Variants in CDH4 observed in about 807,000 individuals in gnomAD.
CDH4 encodes cadherin-4.
A neutral mutation model predicts 86.0 loss-of-function variants in CDH4; 33 were observed. The observed-to-expected ratio is 0.38, with a 90% confidence interval of 0.29 to 0.51. CDH4 has a LOEUF of 0.51. Among genes scored for constraint, CDH4 ranks in the 20% least tolerant of loss-of-function variants. The probability of loss-of-function intolerance (pLI) is 0.86; values close to 1 mark genes in which losing one functional copy is unlikely to be tolerated. For missense variants in CDH4, 1,114 were observed against 1,307.4 expected, an observed-to-expected ratio of 0.85 and a Z score of 2.28; for synonymous variants, 555 against 549.4, an observed-to-expected ratio of 1.01 and a Z score of -0.14.
chr20:61,511,199 C>CA (rs2085777386), intron 2 of CDH4, among the ~76,000 whole-genome samples: 1 of 152,212 alleles, frequency 6.6e-6, no homozygotes, highest in Non-Finnish European at 1.5e-5. Context: ...CCGTGTTATC[C>CA]ATGGAGTAGC....
intron 13 of CDH4, among the ~76,000 whole-genome samples, chr20:61,931,255 A>G (rs2055105406): frequency 6.6e-6 from 1 of 152,236 alleles, no homozygotes; most frequent in Admixed American, 6.5e-5. Context: ...CCCGGGCTCC[A>G]GGCTCCAGGT....
Position 61,392,773 on chromosome 20 carries a change from T to C in CDH4, c.169+137836T>C, listed in dbSNP as rs550948847. On this transcript the variant is annotated intron_variant, in intron 2 of 15. Transcript: ENST00000614565. The surrounding 1 kb of genome is among the most constrained non-coding windows in gnomAD (Gnocchi z 5.7). ...TTCATCAGAAACTCGGTATTGCACATTTATTTCCTAGCGGGGTAGAAACAC... is the reference window on the plus strand; with the variant it reads ...TTCATCAGAAACTCGGTATTGCACACTTATTTCCTAGCGGGGTAGAAACAC... Among the ~76,000 whole-genome samples the C allele has an allele frequency of 1.3e-5, 2 of 152,322 alleles. No homozygotes were observed. Among genetic ancestry groups the C allele is most frequent in the South Asian group, 4.2e-4 (2 of 4,816 alleles).
rs1600950075 is a variant in CDH4 at position 61,754,783 on chromosome 20, A to C, written c.396+10994A>C. ...ACAGTGCATGCCACACACACCACAC[A>C]CACACTGCACGCCACACACACCACA... On this transcript the variant is annotated intron_variant, in intron 3 of 15. Transcript: ENST00000614565. This position sits in a 1 kb window ranked among gnomAD's most constrained non-coding sequence, Gnocchi z 4.7. 8.1e-6 allele frequency among the ~76,000 whole-genome samples: 1 copy of C among 124,026 alleles called. No homozygotes were observed. The highest frequency in any genetic ancestry group is 1.7e-5 in the Non-Finnish European group (1 of 59,424). The allele number at this position is 124,026 out of a possible 152,430, so 81.4% of individuals were successfully genotyped here. A position where few individuals can be genotyped will look rare whatever the true frequency, so the allele number is the denominator to read the frequency against.
At chr20:61,321,432 A>G (rs1187296879) in intron 2 of CDH4, among the ~76,000 whole-genome samples, 1 of 148,144 alleles carries the variant, frequency 6.8e-6, no homozygotes, top group Non-Finnish European at 1.5e-5. Flanking sequence ...CTTAAAAAAT[A>G]TAGCCTTGGA....
intron 2 of CDH4, among the ~76,000 whole-genome samples, chr20:61,371,659 G>A (rs2084841211): frequency 6.6e-6 from 1 of 152,202 alleles, no homozygotes; most frequent in Non-Finnish European, 1.5e-5. Flanking sequence ...AGGCCTGTGT[G>A]TGTTACCAGC....
chr20:61,561,823 A>G (rs1408713302), intron 2 of CDH4, among the ~76,000 whole-genome samples: 1 of 152,226 alleles, frequency 6.6e-6, no homozygotes, highest in African/African-American at 2.4e-5. Flanking sequence ...GAGAAAAACA[A>G]CCCACAAAGG....
At chr20:61,508,444 A>C (rs1395912199) in intron 2 of CDH4, among the ~76,000 whole-genome samples, 1 of 152,092 alleles carries the variant, frequency 6.6e-6, no homozygotes, top group African/African-American at 2.4e-5. Context: ...GTCGGCCCTG[A>C]GCTCACTAAT....
rs561520382 is a variant in CDH4 at position 61,630,661 on chromosome 20, C to T, written c.170-112902C>T. Among the ~76,000 whole-genome samples the T allele has an allele frequency of 5.3e-5, 8 of 152,296 alleles. No homozygotes were observed. In the East Asian group the frequency reaches 1.2e-3, roughly 22 times the overall value. On this transcript the variant is annotated intron_variant, in intron 2 of 15. Transcript: ENST00000614565. ...CTTATATTGTGATTTAAAATTCTCC[C>T]AGAGTCCAAGACACTCCAGGATCCC...
chr20:61,517,464 G>A lies in CDH4; in HGVS notation c.170-226099G>A, dbSNP rs1305482368. On this transcript the variant is annotated intron_variant, in intron 2 of 15. Transcript: ENST00000614565. This position sits in a 1 kb window ranked among gnomAD's most constrained non-coding sequence, Gnocchi z 6.6. ...CCCACCTTGGCCTCCCAAAGTGCTG[G>A]GATTGCAGGTATGAGCCACCATGCC... 1.3e-5 allele frequency among the ~76,000 whole-genome samples: 2 copies of A among 152,158 alleles called. No homozygotes were observed. The highest frequency in any genetic ancestry group is 2.9e-5 in the Non-Finnish European group (2 of 68,038).
intron 2 of CDH4, among the ~76,000 whole-genome samples, chr20:61,695,757 GGGGACGCTC>G (rs1318222807): frequency 6.6e-6 from 1 of 152,214 alleles, no homozygotes; most frequent in Non-Finnish European, 1.5e-5. Context: ...TCATCTAGCT[GGGGACGCTC>G]GGTTCCCTCG....
At chr20:61,486,872 G>C (rs181007516) in intron 2 of CDH4, among the ~76,000 whole-genome samples, 6 of 152,180 alleles carry the variant, frequency 3.9e-5, no homozygotes, top group African/African-American at 2.4e-5. Context: ...CTGGGTGACA[G>C]AAAGAGCCTC....
chr20:61,510,408 C>A lies in CDH4; in HGVS notation c.170-233155C>A, dbSNP rs1240447703. ...TTGTGTGGAAGCTGGAGTTGGCCAG[C>A]CCCTGCCTTAGCCTCTGTCAAAGAG... On this transcript the variant is annotated intron_variant, in intron 2 of 15. Transcript: ENST00000614565. The surrounding 1 kb of genome is among the most constrained non-coding windows in gnomAD (Gnocchi z 4.2). Among the ~76,000 whole-genome samples, 3 of 152,180 alleles carry A rather than the reference C, an allele frequency of 2.0e-5. No individual in the cohort carries two copies. Among genetic ancestry groups the A allele is most frequent in the Non-Finnish European group, 4.4e-5 (3 of 68,042 alleles).
chr20:61,475,734 C>T (rs1020623224), intron 2 of CDH4, among the ~76,000 whole-genome samples: 1 of 144,798 alleles, frequency 6.9e-6, no homozygotes, highest in African/African-American at 2.6e-5. Flanking sequence ...AGGATCTGAG[C>T]TTCATGGCTT....
At position 61,676,338 on chromosome 20, in the gene CDH4, A is replaced by G. The variant is rs1451264320; in HGVS notation, c.170-67225A>G. Among the ~76,000 whole-genome samples, 1 of 152,202 alleles carries G rather than the reference A, an allele frequency of 6.6e-6. No homozygotes were observed. The highest frequency in any genetic ancestry group is 2.4e-5 in the African/African-American group (1 of 41,462). ...TGCGATTGAATACTGCGGCCCCCAG[A>G]GGAGGTGGGATTGCATTAGCACCTT... is the stretch of plus-strand genomic sequence containing the variant. On this transcript the variant is annotated intron_variant, in intron 2 of 15. Coordinates refer to ENST00000614565, the MANE Select transcript of CDH4 (RefSeq NM_001794.5). The surrounding 1 kb of genome is among the most constrained non-coding windows in gnomAD (Gnocchi z 4.5).
chr20:61,534,805 A>T (rs1600736440), intron 2 of CDH4, among the ~76,000 whole-genome samples: 1 of 121,742 alleles, frequency 8.2e-6, no homozygotes, highest in East Asian at 3.8e-4. Context: ...TTCATCCTCA[A>T]CCCGACGGCC....
intron 2 of CDH4, among the ~76,000 whole-genome samples, chr20:61,554,050 C>T (rs1481252416): frequency 6.6e-6 from 1 of 152,228 alleles, no homozygotes; most frequent in Admixed American, 6.5e-5. Context: ...CTCCCCAGGG[C>T]AGGGGCAGGT....
chr20:61,675,206 A>G (rs1315663384), intron 2 of CDH4, among the ~76,000 whole-genome samples: 1 of 152,208 alleles, frequency 6.6e-6, no homozygotes, highest in African/African-American at 2.4e-5. Context: ...ACAGGGTTAG[A>G]CGGTGTTGTG....
At chr20:61,590,746 C>T (rs902525537) in intron 2 of CDH4, among the ~76,000 whole-genome samples, 2 of 152,228 alleles carry the variant, frequency 1.3e-5, no homozygotes, top group African/African-American at 2.4e-5. Flanking sequence ...TCACACCCTT[C>T]ACCTTCGTGA....
chr20:61,686,557 G>GTGCGTGTGCATTCGCGTGTATA (rs2087578723), intron 2 of CDH4, among the ~76,000 whole-genome samples: 1 of 151,928 alleles, frequency 6.6e-6, no homozygotes, highest in Non-Finnish European at 1.5e-5. Flanking sequence ...TCGCGTGTAT[G>GTGCGTGTGCATTCGCGTGTATA]TGCATGTGCA....
Sources: gnomAD v4.1 joint callset for allele counts (sites outside exome capture counted in the v4.1 genomes callset) on GRCh38, gnomAD v4.1.1 for gene constraint, Gnocchi (gnomAD v3.1) non-coding constraint, MANE v1.5 for transcripts, NCBI Gene and HGNC (gene_info 2026-07-23, HGNC 2026-07-21) for gene names.